ACACB: variants seen among roughly 807,000 people sequenced by gnomAD.
ACACB encodes the protein acetyl-CoA carboxylase 2.
ACACB carries 209 observed loss-of-function variants against 278.8 expected under a neutral mutation model. The ratio of observed to expected loss-of-function variants is 0.75; its 90% CI spans 0.67 to 0.84. The LOEUF (loss-of-function observed/expected upper bound fraction) is 0.84, where lower values mean the gene tolerates loss of function less well. Among genes scored for constraint, ACACB ranks in the 40% least tolerant of loss-of-function variants. The pLI, the probability that ACACB is intolerant of heterozygous loss-of-function variation, is 0.00. For synonymous variants in ACACB, 1,174 were observed against 1,285.6 expected (o/e 0.91, Z 1.86); for missense variants, 2,850 against 3,269.0 (o/e 0.87, Z 3.13).
intron 34 of ACACB, among the ~76,000 whole-genome samples, chr12:109,238,011 C>CAA (rs538671568): frequency 1.6e-4 from 10 of 61,306 alleles, no homozygotes; most frequent in East Asian, 1.3e-3. Context: ...GACCCTATCA[C>CAA]AAAAAAAAAA....
At chr12:109,122,964 G>A (rs975284162) in intron 1 of ACACB, among the ~76,000 whole-genome samples, 2 of 151,914 alleles carry the variant, frequency 1.3e-5, no homozygotes, top group African/African-American at 4.8e-5. Context: ...GGCGGATCAC[G>A]AGGTCAGGAG....
chr12:109,237,120 G>T (rs375162690), intron 33 of ACACB, 45 bp from the exon 34 acceptor site: 5 of 1,601,350 alleles, frequency 3.1e-6, no homozygotes, highest in Non-Finnish European at 4.3e-6. Context: ...CCAACGTCAC[G>T]CTGTGTGTGT....
chr12:109,244,990 A>G (rs1285286023), intron 37 of ACACB, among the ~76,000 whole-genome samples: 1 of 152,056 alleles, frequency 6.6e-6, no homozygotes, highest in Non-Finnish European at 1.5e-5. Flanking sequence ...ACCTGAGGTC[A>G]GGAATTTGAG....
chr12:109,124,716 TTTTG>T (rs1221302941), intron 1 of ACACB, among the ~76,000 whole-genome samples: 3 of 152,148 alleles, frequency 2.0e-5, no homozygotes, highest in Non-Finnish European at 2.9e-5. Flanking sequence ...TTGTTTCTGG[TTTTG>T]TTTGTTTGTT....
At chr12:109,206,595 C>A (rs1474783459) in intron 19 of ACACB, 115 bp from the exon 20 acceptor site, 5 of 1,200,350 alleles carry the variant, frequency 4.2e-6, no homozygotes, top group East Asian at 2.3e-5. Context: ...TTCCTCAGAC[C>A]TCATCCTCAC....
chr12:109,139,903 CCTG>C lies in ACACB; in HGVS notation c.499_501del (p.Leu167del). ...AGAGGCAGCTGATGACCAACTTCATCCTGGGCTCTTTTGATGACTACTCCTCCG... is the reference window on the plus strand; with the variant it reads ...AGAGGCAGCTGATGACCAACTTCATCGGCTCTTTTGATGACTACTCCTCCG... On this transcript the variant is annotated inframe_deletion, in exon 2 of 53. Coordinates refer to ENST00000338432, the MANE Select transcript of ACACB (RefSeq NM_001093.4). The C allele has an allele frequency of 1.2e-6, 2 of 1,614,198 alleles. No individual in the cohort carries two copies. Among genetic ancestry groups the C allele is most frequent in the Non-Finnish European group, 1.7e-6 (2 of 1,180,040 alleles).
At chr12:109,111,542 T>G in the ACACB span, 2 of 151,608 alleles carry the variant, frequency 1.3e-5, no homozygotes, top group Non-Finnish European at 2.9e-5. Context: ...AATTGTGTTT[T>G]TTTTTCTTTC....
chr12:109,222,325 C>A (rs80265144), intron 24 of ACACB, among the ~76,000 whole-genome samples, 182 bp from the exon 25 acceptor site: 4 of 104,726 alleles, frequency 3.8e-5, no homozygotes, highest in African/African-American at 1.1e-4. Flanking sequence ...GAATGAATGA[C>A]TGACTGGGGT....
At chr12:109,150,370 C>T (rs113828277) in intron 2 of ACACB, among the ~76,000 whole-genome samples, 7 of 152,252 alleles carry the variant, frequency 4.6e-5, no homozygotes, top group East Asian at 1.9e-4. Flanking sequence ...AAGCCCTGGC[C>T]GGGCTTACAT....
rs943675673 is a variant in ACACB, at chr12:109,120,774, AGGGCCCAGCCCG to A, written c.-10+4080_-10+4091del. Among the ~76,000 whole-genome samples the A allele has an allele frequency of 5.3e-5, 8 of 152,278 alleles. No individual in the cohort carries two copies. In the South Asian group the frequency reaches 1.0e-3, roughly 20 times the overall value. On this transcript the variant is annotated intron_variant, in intron 1 of 52. Coordinates refer to ENST00000338432, the MANE Select transcript of ACACB (RefSeq NM_001093.4). The stretch of plus-strand genomic sequence containing the variant: ...CACACACGTGCACACCTGGAGCTGG[AGGGCCCAGCCCG>A]GGGCCCAGCTCTGCCACTCACTGAT...
intron 1 of ACACB, among the ~76,000 whole-genome samples, chr12:109,133,795 C>T (rs1047613657): frequency 3.7e-5 from 5 of 136,858 alleles, no homozygotes; most frequent in African/African-American, 1.4e-4. Context: ...AATCAAAATT[C>T]CAGCTTGGTT....
intron 45 of ACACB, among the ~76,000 whole-genome samples, chr12:109,257,719 C>G (rs531828183): frequency 1.3e-5 from 2 of 152,044 alleles, no homozygotes; most frequent in East Asian, 1.9e-4. Context: ...TAGAGGTGTG[C>G]GCCACCACAC....
At chr12:109,190,887 A>G (rs1171557392) in intron 13 of ACACB, among the ~76,000 whole-genome samples, 3 of 152,058 alleles carry the variant, frequency 2.0e-5, no homozygotes, top group Admixed American at 1.3e-4. Flanking sequence ...CAGACTCCCA[A>G]AGCAGTGGGA....
intron 28 of ACACB, among the ~76,000 whole-genome samples, chr12:109,231,792 T>C (rs2046480163): frequency 6.6e-6 from 1 of 152,186 alleles, no homozygotes; most frequent in Admixed American, 6.5e-5. Context: ...AGCAAGGAGT[T>C]GTGACAACAC....
chr12:109,245,767 C>G lies in ACACB; in HGVS notation c.5301+19C>G. 6.2e-7 allele frequency: 1 copy of G among 1,612,594 alleles called. No homozygotes were observed. The highest frequency in any genetic ancestry group is 8.5e-7 in the Non-Finnish European group (1 of 1,179,486). On this transcript the variant is annotated intron_variant, in intron 38 of 52. Transcript: ENST00000338432. ...AAATGAGGTAATAGCTCAGCGGAGCCTAACCCCTGGCTGGAGTCACCCCCT... is the reference window on the plus strand; with the variant it reads ...AAATGAGGTAATAGCTCAGCGGAGCGTAACCCCTGGCTGGAGTCACCCCCT...
At chr12:109,224,280 G>A (rs779246273) in intron 27 of ACACB, among the ~76,000 whole-genome samples, 2 of 151,820 alleles carry the variant, frequency 1.3e-5, no homozygotes, top group African/African-American at 2.4e-5. Flanking sequence ...TCTGACTCAC[G>A]TGCATTAAAT....
At chr12:109,238,648 T>G (rs2046708553) in intron 34 of ACACB, among the ~76,000 whole-genome samples, 1 of 150,664 alleles carries the variant, frequency 6.6e-6, no homozygotes, top group South Asian at 2.1e-4. Flanking sequence ...CACTGCAACC[T>G]CCGCACCCCC....
chr12:109,187,435 A>G (rs771970076), intron 12 of ACACB, among the ~76,000 whole-genome samples: 13 of 109,274 alleles, frequency 1.2e-4, no homozygotes, highest in African/African-American at 3.3e-4. Context: ...CGCTTATTTT[A>G]TTTATTTATT....
At chr12:109,224,445 C>T (rs772362971) in intron 27 of ACACB, among the ~76,000 whole-genome samples, 37 of 151,616 alleles carry the variant, frequency 2.4e-4, no homozygotes, top group Admixed American at 9.2e-4. Context: ...GGTCTTGCTC[C>T]CGGGAGCAAG....
Sources: allele counts gnomAD v4.1 joint callset (sites outside exome capture counted in the v4.1 genomes callset), GRCh38; gene constraint gnomAD v4.1.1; transcripts MANE v1.5; gene names NCBI Gene and HGNC (gene_info 2026-07-23, HGNC 2026-07-21).